The following BICD1 variants were observed in gnomAD, a reference collection of about 807,000 sequenced individuals.
BICD1 encodes the protein protein bicaudal D homolog 1.
A neutral mutation model predicts 92.5 loss-of-function variants in BICD1; 35 were observed. That is an observed-to-expected ratio of 0.38 (90% confidence interval 0.29 to 0.50). The LOEUF is 0.50. Ranked by LOEUF, BICD1 falls within the 20% of genes least tolerant of loss-of-function variation. The pLI, the probability that BICD1 is intolerant of heterozygous loss-of-function variation, is 0.93. For missense variants in BICD1, 950 were observed against 1,189.8 expected, an observed-to-expected ratio of 0.80 and a Z score of 2.97; for synonymous variants, 429 against 465.1, an observed-to-expected ratio of 0.92 and a Z score of 1.00.
chr12:32,212,427 A>G (rs2632358), intron 1 of BICD1, among the ~76,000 whole-genome samples: 2 of 152,160 alleles, frequency 1.3e-5, no homozygotes, highest in African/African-American at 2.4e-5. Context: ...GTGACATTTT[A>G]TTTTATTTTA....
chr12:32,162,263 G>A (rs181871681), intron 1 of BICD1, among the ~76,000 whole-genome samples: 132 of 152,366 alleles, frequency 8.7e-4, no homozygotes, highest in African/African-American at 3.1e-3. Flanking sequence ...TGGAAAGAAG[G>A]CTTACAGAAA....
rs1940014201 is a variant in BICD1, at chr12:32,377,407, T to C, written c.2841-133T>C. On this transcript the variant is annotated intron_variant, in intron 9 of 9. Coordinates refer to ENST00000652176, the MANE Select transcript of BICD1 (RefSeq NM_001714.4). Reference sequence around the variant, plus strand: ...TACCATTATCTTGGCATGCTTTAGATGGAAACCATTTACTGTGCAGATTTC... The same window carrying C: ...TACCATTATCTTGGCATGCTTTAGACGGAAACCATTTACTGTGCAGATTTC... The C allele has an allele frequency of 8.4e-6, 6 of 712,416 alleles. No individual in the cohort carries two copies. The Admixed American group carries it at 1.4e-4, about 17-fold the overall frequency. 44.1% of individuals were successfully genotyped at this position (712,416 alleles called of 1,614,324 possible). A position where few individuals can be genotyped will look rare whatever the true frequency, so the allele number is the denominator to read the frequency against.
intron 8 of BICD1, among the ~76,000 whole-genome samples, chr12:32,362,470 A>G (rs1436972877): frequency 6.6e-6 from 1 of 152,238 alleles, no homozygotes; most frequent in African/African-American, 2.4e-5. Context: ...TCTGCCAATG[A>G]AATGTATTAT....
chr12:32,162,426 G>T (rs372374212), intron 1 of BICD1, among the ~76,000 whole-genome samples: 1 of 152,304 alleles, frequency 6.6e-6, no homozygotes, highest in East Asian at 1.9e-4. Context: ...ATGAGGCAGT[G>T]ATTAAGTATG....
intron 1 of BICD1, among the ~76,000 whole-genome samples, chr12:32,158,997 A>G (rs1943522746): frequency 6.6e-6 from 1 of 152,020 alleles, no homozygotes; most frequent in Admixed American, 6.6e-5. Flanking sequence ...GCAGTGGCAC[A>G]ATCTCAGCGC....
intron 5 of BICD1, among the ~76,000 whole-genome samples, chr12:32,333,911 A>G (rs1483865593): frequency 6.6e-6 from 1 of 152,192 alleles, no homozygotes; most frequent in Non-Finnish European, 1.5e-5. Context: ...ATATTTCACT[A>G]TATTTCATTG....
chr12:32,171,897 G>C (rs1460464243), intron 1 of BICD1, among the ~76,000 whole-genome samples: 1 of 150,878 alleles, frequency 6.6e-6, no homozygotes, highest in African/African-American at 2.4e-5. Context: ...TCATGCCACT[G>C]CACTCCAGCC....
At chr12:32,218,989 T>A (rs1450352319) in intron 2 of BICD1, among the ~76,000 whole-genome samples, 2 of 152,260 alleles carry the variant, frequency 1.3e-5, no homozygotes, top group African/African-American at 2.4e-5. Context: ...TGGTATTAAG[T>A]TGAAATCTCA....
chr12:32,306,165 A>G lies in BICD1; in HGVS notation c.1005+43A>G. On this transcript the variant is annotated intron_variant, in intron 4 of 9. Transcript: ENST00000652176. ...GGCCGCTAGAGTGAATTTCTTGTAG[A>G]TTGCAGGTAGCATGTTGTGGGACTT... 3.3e-6 allele frequency: 5 copies of G among 1,501,632 alleles called. No individual in the cohort carries two copies. The South Asian group carries it at 4.0e-5, about 12-fold the overall frequency. 93.0% of individuals were successfully genotyped at this position (1,501,632 alleles called of 1,614,324 possible). A position where few individuals can be genotyped will look rare whatever the true frequency, so the allele number is the denominator to read the frequency against.
chr12:32,310,664 C>T (rs1016673326), intron 4 of BICD1, among the ~76,000 whole-genome samples: 1 of 151,952 alleles, frequency 6.6e-6, no homozygotes, highest in Non-Finnish European at 1.5e-5. Context: ...AAGAAAAGGA[C>T]AAAGAGAAAG....
chr12:32,306,585 C>A (rs139118045), intron 4 of BICD1, among the ~76,000 whole-genome samples: 1 of 152,050 alleles, frequency 6.6e-6, no homozygotes, highest in African/African-American at 2.4e-5. Context: ...CTAGAAACTT[C>A]GAAAGTGCAG....
intron 4 of BICD1, among the ~76,000 whole-genome samples, chr12:32,311,611 T>C (rs1039466247): frequency 4.6e-5 from 7 of 152,188 alleles, no homozygotes; most frequent in Admixed American, 1.3e-4. Flanking sequence ...GACAATTGGT[T>C]GAGTTTGTCT....
At chr12:32,261,424 G>C (rs1946855916) in intron 2 of BICD1, among the ~76,000 whole-genome samples, 1 of 152,074 alleles carries the variant, frequency 6.6e-6, no homozygotes, top group South Asian at 2.1e-4. Context: ...GCTCTCACTG[G>C]TGTTCGTATG....
chr12:32,345,478 A>G (rs934212033), intron 8 of BICD1, among the ~76,000 whole-genome samples: 1 of 152,136 alleles, frequency 6.6e-6, no homozygotes, highest in Non-Finnish European at 1.5e-5. Flanking sequence ...GAAACATTCT[A>G]TACATATATA....
intron 8 of BICD1, among the ~76,000 whole-genome samples, chr12:32,344,551 A>C (rs1938499141): frequency 6.6e-6 from 1 of 152,202 alleles, no homozygotes; most frequent in South Asian, 2.1e-4. Context: ...AAATATGCAG[A>C]TGAGAGGTAG....
chr12:32,194,651 G>A (rs373162893), intron 1 of BICD1, among the ~76,000 whole-genome samples: 2 of 152,172 alleles, frequency 1.3e-5, no homozygotes, highest in Admixed American at 6.5e-5. Flanking sequence ...GGAGGCCGAG[G>A]GGGGTGGATC....
At chr12:32,293,843 C>A in intron 2 of BICD1, 151 bp from the exon 3 acceptor site, 1 of 688,250 alleles carries the variant, frequency 1.5e-6, no homozygotes, top group Non-Finnish European at 2.4e-6. Flanking sequence ...AAGTTTTTGA[C>A]AGATACCACT....
intron 2 of BICD1, among the ~76,000 whole-genome samples, chr12:32,257,266 G>T (rs1256186306): frequency 6.7e-6 from 1 of 149,476 alleles, no homozygotes; most frequent in Non-Finnish European, 1.5e-5. Context: ...GATCAGAAAT[G>T]CAAATTTTTC....
intron 8 of BICD1, among the ~76,000 whole-genome samples, chr12:32,348,723 A>AATATATATATATAT (rs11272207): frequency 2.1e-4 from 25 of 117,982 alleles, no homozygotes; most frequent in East Asian, 2.8e-4. Flanking sequence ...CTCACACAAA[A>AATATATATATATAT]ATATATATAT....
Sources: gnomAD v4.1 joint callset for allele counts (sites outside exome capture counted in the v4.1 genomes callset) on GRCh38, gnomAD v4.1.1 for gene constraint, MANE v1.5 for transcripts, NCBI Gene and HGNC (gene_info 2026-07-23, HGNC 2026-07-21) for gene names.